Variants in ARAP2 observed in about 807,000 individuals in gnomAD.
ARAP2 encodes the protein arf-GAP with Rho-GAP domain, ANK repeat and PH domain-containing protein 2.
Under a neutral mutation model 194.5 loss-of-function variants are expected in ARAP2, and 148 were observed. The observed-to-expected ratio is 0.76, with a 90% CI of 0.67 to 0.87. The LOEUF is 0.87. ARAP2 is among the 40% of genes least tolerant of loss of function. The probability of loss-of-function intolerance (pLI) is 0.00; values close to 1 mark genes in which losing one functional copy is unlikely to be tolerated. For missense variants in ARAP2, 2,128 were observed against 1,989.7 expected, an observed-to-expected ratio of 1.07 and a Z score of -1.32; for synonymous variants, 695 against 683.5, an observed-to-expected ratio of 1.02 and a Z score of -0.26.
At chr4:36,158,620 A>T in intron 15 of ARAP2, 110 bp downstream of exon 15, 1 of 900,184 alleles carries the variant, frequency 1.1e-6, no homozygotes, top group Non-Finnish European at 1.7e-6. Flanking sequence ...AAATATCTCT[A>T]CTTGGAGATC....
At chr4:36,108,321 T>C (rs1718968328) in intron 26 of ARAP2, among the ~76,000 whole-genome samples, 1 of 152,012 alleles carries the variant, frequency 6.6e-6, no homozygotes, top group Admixed American at 6.6e-5. Flanking sequence ...ATAATAATCA[T>C]AAATTAATCA....
In ARAP2 at chr4:36,161,146, A is replaced by AAC. The variant is rs36207295; in HGVS notation, c.2259+317_2259+318dup. On this transcript the variant is annotated intron_variant, in intron 12 of 32. Coordinates refer to ENST00000303965, the MANE Select transcript of ARAP2 (RefSeq NM_015230.4). ...GTTGGGTTTAAAACACACACACACAAACACACACACACACACACACACACA... is the reference window on the plus strand; with the variant it reads ...GTTGGGTTTAAAACACACACACACAAACACACACACACACACACACACACACA... Among the ~76,000 whole-genome samples the AAC allele has an allele frequency of 5.7e-3, 850 of 147,856 alleles. 5 individuals carry two copies. The highest frequency in any genetic ancestry group is 9.4e-3 in the African/African-American group (378 of 40,412).
At chr4:36,212,647 T>C (rs554361936) in intron 4 of ARAP2, among the ~76,000 whole-genome samples, 160 bp from the exon 5 acceptor site, 2 of 143,668 alleles carry the variant, frequency 1.4e-5, no homozygotes, top group Non-Finnish European at 3.0e-5. Context: ...AAAAAAAAGT[T>C]AGTCTACATT....
At chr4:36,107,428 A>G (rs959770026) in intron 27 of ARAP2, 137 bp downstream of exon 27, 1 of 815,830 alleles carries the variant, frequency 1.2e-6, no homozygotes, top group African/African-American at 1.8e-5. Context: ...CTTCTTTCTT[A>G]TATATGTACT....
chr4:36,088,198 C>T (rs559300757), intron 28 of ARAP2, among the ~76,000 whole-genome samples: 6 of 152,194 alleles, frequency 3.9e-5, no homozygotes, highest in South Asian at 2.1e-4. Flanking sequence ...TTTCTAAACA[C>T]GCCAACTGCA....
intron 32 of ARAP2, among the ~76,000 whole-genome samples, chr4:36,069,662 T>G (rs1036363641): frequency 3.3e-5 from 5 of 152,170 alleles, no homozygotes; most frequent in African/African-American, 9.7e-5. Context: ...GCATAAAAAC[T>G]TTGGGACTCT....
rs112705218 is a variant in ARAP2 at position 36,174,141 on chromosome 4, G to A, written c.1857+3686C>T. 3.2e-4 allele frequency among the ~76,000 whole-genome samples: 48 copies of A among 152,296 alleles called. 1 individual carries two copies. The highest frequency in any genetic ancestry group is 1.1e-3 in the African/African-American group (46 of 41,562). ...GCCCAGAAATGAGAAGATGCCCCCT[G>A]CATGTGTCATGTGGATGAATGAATC... On this transcript the variant is annotated intron_variant, in intron 9 of 32. Transcript: ENST00000303965.
chr4:36,110,474 C>T (rs1719662908), intron 26 of ARAP2, among the ~76,000 whole-genome samples: 1 of 151,762 alleles, frequency 6.6e-6, no homozygotes, highest in Non-Finnish European at 1.5e-5. Context: ...TGAGGCCCTT[C>T]AGCAATTAAA....
At chr4:36,204,190 T>C (rs534463499) in intron 6 of ARAP2, among the ~76,000 whole-genome samples, 31 of 152,096 alleles carry the variant, frequency 2.0e-4, no homozygotes, top group Non-Finnish European at 4.0e-4. Flanking sequence ...AATTGAAGAA[T>C]AAAACAAGAA....
chr4:36,231,273 T>C (rs1578363882), intron 1 of ARAP2, among the ~76,000 whole-genome samples: 2 of 151,974 alleles, frequency 1.3e-5, no homozygotes, highest in Non-Finnish European at 2.9e-5. Context: ...GAGGCGGAGG[T>C]TGCAGTAAGC....
intron 6 of ARAP2, among the ~76,000 whole-genome samples, chr4:36,196,530 T>G (rs911087770): frequency 2.6e-5 from 4 of 152,234 alleles, no homozygotes; most frequent in Admixed American, 2.6e-4. Flanking sequence ...CTATTTGATG[T>G]CTTCATCTAT....
rs773715903 is a variant in ARAP2 at position 36,188,228 on chromosome 4, C to G, written c.1558-657G>C. 6.2e-4 allele frequency among the ~76,000 whole-genome samples: 95 copies of G among 152,094 alleles called. 2 individuals are homozygous for G. In the Middle Eastern group the frequency reaches 0.014, roughly 22 times the overall value. On this transcript the variant is annotated intron_variant, in intron 7 of 32. Coordinates refer to ENST00000303965, the MANE Select transcript of ARAP2 (RefSeq NM_015230.4). ...TTAATCCATCTTCATTTTCCTGGAC[C>G]CTCTCAAATCATGTCATGATAACTA...
At position 36,229,351 on chromosome 4, in the gene ARAP2, G is replaced by T; in HGVS notation, c.136C>A (p.Leu46Met). 2.5e-6 allele frequency: 4 copies of T among 1,614,040 alleles called. No homozygotes were observed. The highest frequency in any genetic ancestry group is 3.4e-6 in the Non-Finnish European group (4 of 1,179,990). The change falls in exon 2 of 33, where the codon CTG (leucine) becomes ATG (methionine). Residue 46 changes from leucine (L) to methionine (M), a missense_variant. Transcript: ENST00000303965. ...KDCAAINDSLLQKIGISPTGH... is the reference protein window; with the variant it reads ...KDCAAINDSLMQKIGISPTGH... ...GTAGGTGATATTCCAATTTTCTGCA[G>T]CAGGCTGTCATTTATTGCTGCACAG... is the stretch of plus-strand genomic sequence containing the variant.
chr4:36,140,139 TACACACACACACAC>T (rs66531233), intron 19 of ARAP2, among the ~76,000 whole-genome samples: 4 of 140,384 alleles, frequency 2.8e-5, no homozygotes, highest in Admixed American at 7.2e-5. Flanking sequence ...ACAAAAACAA[TACACACACACACAC>T]ACACACACAC....
chr4:36,112,022 A>G (rs1343455427), intron 26 of ARAP2, among the ~76,000 whole-genome samples: 1 of 151,980 alleles, frequency 6.6e-6, no homozygotes, highest in Non-Finnish European at 1.5e-5. Context: ...TCTAAGCACT[A>G]AACAGGGCCC....
chr4:36,148,452 C>T lies in ARAP2; in HGVS notation c.2953G>A (p.Ala985Thr), dbSNP rs918559886. ...TTTCTTTGAGCTTGAGATGTTTCAGCTCCAAATAAAAACACACGTTCGGAG... is the reference window on the plus strand; with the variant it reads ...TTTCTTTGAGCTTGAGATGTTTCAGTTCCAAATAAAAACACACGTTCGGAG... ...LPSERVFLFGAETSQAQRKWT... is the reference protein window; with the variant it reads ...LPSERVFLFGTETSQAQRKWT... Residue 985 changes from alanine to threonine, a missense_variant, in exon 17 of 33, where the codon GCT becomes ACT. Ala to Thr is a moderately conservative substitution (Grantham distance 58). Coordinates refer to ENST00000303965, the MANE Select transcript of ARAP2 (RefSeq NM_015230.4). The T allele has an allele frequency of 6.2e-7, 1 of 1,613,168 alleles. No individual in the cohort carries two copies. Among genetic ancestry groups the T allele is most frequent in the South Asian group, 1.1e-5 (1 of 91,040 alleles).
At chr4:36,159,248 T>C (rs1269966480) in intron 14 of ARAP2, 83 bp downstream of exon 14, 4 of 1,308,890 alleles carry the variant, frequency 3.1e-6, no homozygotes, top group Non-Finnish European at 4.0e-6. Flanking sequence ...GTTTCTCTTA[T>C]TTGAAAAATC....
intron 8 of ARAP2, among the ~76,000 whole-genome samples, chr4:36,179,810 T>G (rs1376981579): frequency 6.6e-6 from 1 of 152,176 alleles, no homozygotes; most frequent in East Asian, 1.9e-4. Flanking sequence ...TATTCAAACT[T>G]GAATCCAAAG....
chr4:36,082,272 G>T lies in ARAP2; in HGVS notation c.4523C>A (p.Ala1508Glu). The change falls in exon 30 of 33, where the codon GCA becomes GAA. Residue 1508 changes from alanine (A) to glutamate (E), a missense_variant. Ala to Glu is a moderately radical substitution (Grantham distance 107). Coordinates refer to ENST00000303965, the MANE Select transcript of ARAP2 (RefSeq NM_015230.4). The part of the protein sequence containing the change: ...MKPPTSWGLT[A>E]YSEKHHWHLC... ...TTACCAGTGATGTTTCTCAGAATATGCGGTCAATCCCCAGCTGCATCACAT... is the reference window on the plus strand; with the variant it reads ...TTACCAGTGATGTTTCTCAGAATATTCGGTCAATCCCCAGCTGCATCACAT... 6.2e-7 allele frequency: 1 copy of T among 1,611,394 alleles called. No individual in the cohort carries two copies. The highest frequency in any genetic ancestry group is 8.5e-7 in the Non-Finnish European group (1 of 1,178,854).
Sources: gnomAD v4.1 joint callset for allele counts (sites outside exome capture counted in the v4.1 genomes callset) on GRCh38, gnomAD v4.1.1 for gene constraint, MANE v1.5 for transcripts, NCBI Gene and HGNC (gene_info 2026-07-23, HGNC 2026-07-21) for gene names.